Variants in SMAP1 observed in about 807,000 individuals in gnomAD.
The protein encoded by SMAP1 is stromal membrane-associated protein 1.
In SMAP1, 24 loss-of-function variants were observed where a neutral mutation model predicts 58.5. The observed-to-expected ratio is 0.41, with a 90% CI of 0.30 to 0.58. The LOEUF is 0.58. Ranked by LOEUF, SMAP1 falls within the 20% of genes least tolerant of loss-of-function variation. The pLI, the probability that SMAP1 is intolerant of heterozygous loss-of-function variation, is 0.29. For synonymous variants in SMAP1, 216 were observed against 196.6 expected (o/e 1.10, Z -0.82); for missense variants, 563 against 566.3 (o/e 0.99, Z 0.06).
intron 4 of SMAP1, among the ~76,000 whole-genome samples, chr6:70,783,068 G>T (rs967713677): frequency 3.3e-5 from 5 of 152,152 alleles, no homozygotes; most frequent in South Asian, 2.1e-4. Context: ...ACACGACTGG[G>T]TACTCCTCTG....
At chr6:70,669,214 G>A (rs908172611) in intron 1 of SMAP1, among the ~76,000 whole-genome samples, 10 of 152,080 alleles carry the variant, frequency 6.6e-5, no homozygotes, top group Non-Finnish European at 1.3e-4. Flanking sequence ...GTTCTCTAAA[G>A]CAGGAGACAG....
chr6:70,704,447 AT>A (rs200484101), intron 1 of SMAP1, among the ~76,000 whole-genome samples: 111 of 151,746 alleles, frequency 7.3e-4, no homozygotes, highest in East Asian at 7.7e-4. Flanking sequence ...AATATTACAG[AT>A]TTTTTTTTCA....
intron 1 of SMAP1, among the ~76,000 whole-genome samples, chr6:70,691,135 T>A (rs1767148065): frequency 6.6e-6 from 1 of 152,232 alleles, no homozygotes; most frequent in African/African-American, 2.4e-5. Context: ...ATCTGTAGAA[T>A]CTGTAGTAAT....
At chr6:70,817,427 C>T (rs1347803959) in intron 6 of SMAP1, among the ~76,000 whole-genome samples, 1 of 151,982 alleles carries the variant, frequency 6.6e-6, no homozygotes, top group Admixed American at 6.6e-5. Flanking sequence ...AATCATAGTT[C>T]CTTGCAGTGA....
At chr6:70,795,261 G>GATT (rs1768553648) in intron 5 of SMAP1, among the ~76,000 whole-genome samples, 2 of 152,162 alleles carry the variant, frequency 1.3e-5, no homozygotes, top group African/African-American at 4.8e-5. Context: ...CAATCATGGT[G>GATT]ATTAGGAAGT....
intron 7 of SMAP1, among the ~76,000 whole-genome samples, chr6:70,840,777 G>A (rs986741107): frequency 8.5e-5 from 13 of 152,140 alleles, no homozygotes; most frequent in South Asian, 2.1e-4. Context: ...GACTTGCCTC[G>A]TCTTAGAAAT....
chr6:70,754,984 T>C lies in SMAP1; in HGVS notation c.257T>C (p.Met86Thr). 6.2e-7 allele frequency: 1 copy of C among 1,607,216 alleles called. No individual in the cohort carries two copies. The highest frequency in any genetic ancestry group is 8.5e-7 in the Non-Finnish European group (1 of 1,175,922). The part of the protein sequence containing the change: ...DQWTAEQIQC[M>T]QDMGNTKARL... ...AAAAAATTTTTTTTATTATAGTGCA[T>C]GCAAGATATGGGAAATACTAAAGCA... The change falls in exon 3 of 11, where the codon ATG (methionine) becomes ACG (threonine). Residue 86 changes from methionine to threonine, a missense_variant. Coordinates refer to ENST00000370455, the MANE Select transcript of SMAP1 (RefSeq NM_001044305.3).
chr6:70,677,250 G>A (rs1293148639), intron 1 of SMAP1, among the ~76,000 whole-genome samples: 1 of 144,920 alleles, frequency 6.9e-6, no homozygotes, highest in Non-Finnish European at 1.5e-5. Flanking sequence ...TTAAACCATA[G>A]AAACAGCATG....
chr6:70,691,650 T>C (rs1767173693), intron 1 of SMAP1, among the ~76,000 whole-genome samples: 1 of 152,192 alleles, frequency 6.6e-6, no homozygotes. Context: ...TTCTACTCTC[T>C]ATCTCCATGA....
intron 1 of SMAP1, among the ~76,000 whole-genome samples, chr6:70,676,383 G>GC (rs1766483065): frequency 6.6e-6 from 1 of 152,138 alleles, no homozygotes; most frequent in African/African-American, 2.4e-5. Context: ...GCTAATAAGG[G>GC]TACAGTCTGG....
chr6:70,727,331 A>T (rs1269110578), intron 1 of SMAP1, among the ~76,000 whole-genome samples: 1 of 152,124 alleles, frequency 6.6e-6, no homozygotes, highest in Non-Finnish European at 1.5e-5. Context: ...CTGGTCTTGA[A>T]TTCCTGGCCT....
chr6:70,852,298 A>T (rs931408579), intron 7 of SMAP1, among the ~76,000 whole-genome samples: 14 of 152,296 alleles, frequency 9.2e-5, no homozygotes, highest in Admixed American at 2.0e-4. Flanking sequence ...ACCATTGGTT[A>T]AAAAGGAGGT....
chr6:70,838,822 T>C (rs1050868752), intron 7 of SMAP1, among the ~76,000 whole-genome samples: 1 of 152,176 alleles, frequency 6.6e-6, no homozygotes, highest in Non-Finnish European at 1.5e-5. Context: ...AGGAATTTGC[T>C]GAAAAGAAAT....
At chr6:70,697,079 ATCT>A (rs1767434860) in intron 1 of SMAP1, among the ~76,000 whole-genome samples, 1 of 152,216 alleles carries the variant, frequency 6.6e-6, no homozygotes, top group African/African-American at 2.4e-5. Context: ...TGCATGCAGT[ATCT>A]TCTTCCATCC....
At chr6:70,709,949 T>C (rs1418550916) in intron 1 of SMAP1, among the ~76,000 whole-genome samples, 18 of 152,044 alleles carry the variant, frequency 1.2e-4, no homozygotes, top group Admixed American at 1.2e-3. Flanking sequence ...AGTCTTTCAT[T>C]ACTTAATGAT....
chr6:70,692,867 T>G (rs1025531883), intron 1 of SMAP1, among the ~76,000 whole-genome samples: 1 of 152,180 alleles, frequency 6.6e-6, no homozygotes, highest in African/African-American at 2.4e-5. Context: ...CACTGCAATC[T>G]CCGCCTCCCA....
At chr6:70,747,101 G>A (rs1212484800) in intron 2 of SMAP1, among the ~76,000 whole-genome samples, 1 of 152,136 alleles carries the variant, frequency 6.6e-6, no homozygotes, top group Admixed American at 6.6e-5. Context: ...AGCATTCATA[G>A]TTAAAATACT....
chr6:70,810,425 C>T (rs914666896), intron 6 of SMAP1, among the ~76,000 whole-genome samples: 2 of 152,164 alleles, frequency 1.3e-5, no homozygotes, highest in Non-Finnish European at 2.9e-5. Context: ...AATGTTACCA[C>T]TTAGAAAAAA....
chr6:70,750,907 C>A (rs1766248425), intron 2 of SMAP1, among the ~76,000 whole-genome samples: 1 of 152,124 alleles, frequency 6.6e-6, no homozygotes, highest in Non-Finnish European at 1.5e-5. Context: ...TGAGAACAGG[C>A]TGAATTTAAT....
Sources: allele counts gnomAD v4.1 joint callset (sites outside exome capture counted in the v4.1 genomes callset), GRCh38; gene constraint gnomAD v4.1.1; transcripts MANE v1.5; gene names NCBI Gene and HGNC (gene_info 2026-07-23, HGNC 2026-07-21).